The following ITGBL1 variants were observed in gnomAD, a reference collection of about 807,000 sequenced individuals.
ITGBL1 encodes the protein integrin beta-like protein 1.
In ITGBL1, 51 loss-of-function variants were observed where a neutral mutation model predicts 68.5. The observed-to-expected ratio is 0.74, with a 90% confidence interval of 0.59 to 0.94. The LOEUF is 0.94. Ranked by LOEUF, ITGBL1 falls within the 40% of genes least tolerant of loss-of-function variation. The probability of loss-of-function intolerance (pLI) is 0.00; values close to 1 mark genes in which losing one functional copy is unlikely to be tolerated. For missense variants in ITGBL1, 649 were observed against 647.4 expected, an observed-to-expected ratio of 1.00 and a Z score of -0.03; for synonymous variants, 209 against 227.3, an observed-to-expected ratio of 0.92 and a Z score of 0.72.
intron 3 of ITGBL1, among the ~76,000 whole-genome samples, chr13:101,570,655 G>T (rs2050257384): frequency 6.6e-6 from 1 of 152,144 alleles, no homozygotes; most frequent in Non-Finnish European, 1.5e-5. Context: ...CAAGTGGGAG[G>T]CTTTTATAGG....
intron 7 of ITGBL1, among the ~76,000 whole-genome samples, chr13:101,607,923 T>A (rs986405171): frequency 2.1e-4 from 32 of 152,208 alleles, no homozygotes; most frequent in Non-Finnish European, 2.4e-4. Flanking sequence ...TGTCCTTGTG[T>A]CTAAGTCATC....
At chr13:101,541,865 G>A (rs1477413329) in intron 2 of ITGBL1, among the ~76,000 whole-genome samples, 1 of 152,152 alleles carries the variant, frequency 6.6e-6, no homozygotes, top group Non-Finnish European at 1.5e-5. Flanking sequence ...AGTATTCTCT[G>A]ATGGTAGTTT....
chr13:101,588,599 T>C (rs987930958), intron 6 of ITGBL1, among the ~76,000 whole-genome samples: 2 of 151,988 alleles, frequency 1.3e-5, no homozygotes, highest in African/African-American at 4.8e-5. Flanking sequence ...GATAAAGCAA[T>C]TTGAGATAAG....
intron 6 of ITGBL1, among the ~76,000 whole-genome samples, chr13:101,594,383 A>C (rs548494901): frequency 6.6e-6 from 1 of 152,344 alleles, no homozygotes; most frequent in East Asian, 1.9e-4. Flanking sequence ...GTCCACATGC[A>C]GAAGAAAGAA....
chr13:101,667,148 A>AT lies in ITGBL1; in HGVS notation c.1016-25430dup, dbSNP rs1389595608. Among the ~76,000 whole-genome samples, 4 of 152,270 alleles carry AT rather than the reference A, an allele frequency of 2.6e-5. No individual in the cohort carries two copies. The South Asian group carries it at 8.3e-4, about 32-fold the overall frequency. On this transcript the variant is annotated intron_variant, in intron 7 of 10. Coordinates refer to ENST00000376180, the MANE Select transcript of ITGBL1 (RefSeq NM_004791.3). ...AAATTTATGGTCCATTCTCATGAAC[A>AT]TTTTTTTAAACTGATGGGAAAATTA...
rs1288938418 is a variant in ITGBL1, at chr13:101,716,212, T to G, written c.*558T>G. On this transcript the variant is annotated 3_prime_UTR_variant, in exon 11 of 11. Coordinates refer to ENST00000376180, the MANE Select transcript of ITGBL1 (RefSeq NM_004791.3). ...GATCAGATTTTTCCAGAATTCCGTA[T>G]CAGTCACCATTTTAATATGGGGACA... The G allele has an allele frequency of 6.6e-6, 1 of 152,218 alleles. No homozygotes were observed. The highest frequency in any genetic ancestry group is 1.5e-5 in the Non-Finnish European group (1 of 68,072). 9.4% of individuals were successfully genotyped at this position (152,218 alleles called of 1,614,324 possible). A position where few individuals can be genotyped will look rare whatever the true frequency, so the allele number is the denominator to read the frequency against.
At chr13:101,637,884 C>T (rs143137787) in intron 7 of ITGBL1, among the ~76,000 whole-genome samples, 1 of 152,234 alleles carries the variant, frequency 6.6e-6, no homozygotes, top group Non-Finnish European at 1.5e-5. Flanking sequence ...TGCAGTAAGG[C>T]ATAGATCTAT....
rs2034672038 is a variant in ITGBL1 at position 101,715,404 on chromosome 13, C to A, written c.1394-159C>A. The A allele has an allele frequency of 7.9e-6, 5 of 632,418 alleles. No homozygotes were observed. The Admixed American group carries it at 1.1e-4, about 13-fold the overall frequency. The allele number at this position is 632,418 out of a possible 1,614,324, so 39.2% of individuals were successfully genotyped here. ...GTTTGAAAGATTAGATGTCTCGCAG[C>A]TGCTTAATAAGATGTAATAATAACA... On this transcript the variant is annotated intron_variant, in intron 10 of 10. Coordinates refer to ENST00000376180, the MANE Select transcript of ITGBL1 (RefSeq NM_004791.3).
At chr13:101,482,916 T>C (rs1165881390) in intron 2 of ITGBL1, among the ~76,000 whole-genome samples, 2 of 152,190 alleles carry the variant, frequency 1.3e-5, no homozygotes, top group Admixed American at 1.3e-4. Flanking sequence ...CTCAGTTTCA[T>C]ACTCACGGCA....
intron 2 of ITGBL1, among the ~76,000 whole-genome samples, chr13:101,517,621 C>T (rs2139125877): frequency 6.6e-6 from 1 of 152,266 alleles, no homozygotes; most frequent in South Asian, 2.1e-4. Context: ...ATCCTACATC[C>T]TGACATATGT....
chr13:101,507,383 A>C (rs1295222069), intron 2 of ITGBL1, among the ~76,000 whole-genome samples: 2 of 152,210 alleles, frequency 1.3e-5, no homozygotes, highest in East Asian at 3.8e-4. Flanking sequence ...TTTACAAATA[A>C]ATGCTTTTAT....
In ITGBL1 at chr13:101,639,642, A is replaced by T. The variant is rs1000312772; in HGVS notation, c.1015+41343A>T. 1.6e-4 allele frequency among the ~76,000 whole-genome samples: 25 copies of T among 152,164 alleles called. No individual in the cohort carries two copies. The South Asian group carries it at 5.2e-3, about 32-fold the overall frequency. On this transcript the variant is annotated intron_variant, in intron 7 of 10. Coordinates refer to ENST00000376180, the MANE Select transcript of ITGBL1 (RefSeq NM_004791.3). The stretch of plus-strand genomic sequence containing the variant: ...GTAGGACCTGTCTTCCTTACTTTTA[A>T]TTTATTTTAGCATGGCTTTATTATT...
intron 7 of ITGBL1, among the ~76,000 whole-genome samples, chr13:101,652,320 T>C (rs2032779248): frequency 6.6e-6 from 1 of 152,094 alleles, no homozygotes; most frequent in African/African-American, 2.4e-5. Context: ...TTTTTTTACA[T>C]TTTTTCAGCA....
chr13:101,697,586 A>G (rs2034032100), intron 8 of ITGBL1, among the ~76,000 whole-genome samples: 1 of 152,198 alleles, frequency 6.6e-6, no homozygotes, highest in Non-Finnish European at 1.5e-5. Flanking sequence ...CAGACAGACC[A>G]GGATTTTAAT....
Position 101,605,973 on chromosome 13 carries a change from CATATATGTGTAT to C in ITGBL1, c.1015+7692_1015+7703del, listed in dbSNP as rs1439014790. The stretch of plus-strand genomic sequence containing the variant: ...ATATACACATATACACATATATATG[CATATATGTGTAT>C]ATATATGTGTATATATACACATATA... On this transcript the variant is annotated intron_variant, in intron 7 of 10. Coordinates refer to ENST00000376180, the MANE Select transcript of ITGBL1 (RefSeq NM_004791.3). Among the ~76,000 whole-genome samples, 12 of 143,514 alleles carry C rather than the reference CATATATGTGTAT, an allele frequency of 8.4e-5. No individual in the cohort carries two copies. In the South Asian group the frequency reaches 1.7e-3, roughly 21 times the overall value. 94.2% of individuals were successfully genotyped at this position (143,514 alleles called of 152,430 possible).
rs533154009 is a variant in ITGBL1 at position 101,607,480 on chromosome 13, T to A, written c.1015+9181T>A. Among the ~76,000 whole-genome samples the A allele has an allele frequency of 5.9e-5, 9 of 152,128 alleles. No individual in the cohort carries two copies. The South Asian group carries it at 1.9e-3, about 32-fold the overall frequency. On this transcript the variant is annotated intron_variant, in intron 7 of 10. Transcript: ENST00000376180. ...ATATAGTTGTAGCAAAATAATTCAA[T>A]CAATCCTCTTTTTATTAGATATCTA...
At chr13:101,615,787 A>C (rs1370596839) in intron 7 of ITGBL1, among the ~76,000 whole-genome samples, 1 of 152,056 alleles carries the variant, frequency 6.6e-6, no homozygotes, top group African/African-American at 2.4e-5. Flanking sequence ...CATGTCTCTA[A>C]AAGTAATTAT....
intron 2 of ITGBL1, among the ~76,000 whole-genome samples, chr13:101,526,204 G>A (rs1468162813): frequency 7.6e-5 from 11 of 145,672 alleles, no homozygotes; most frequent in African/African-American, 1.5e-4. Flanking sequence ...TATGCAGAAC[G>A]TGCAAGTTTG....
At chr13:101,566,545 A>G (rs566292690) in intron 2 of ITGBL1, among the ~76,000 whole-genome samples, 17 of 152,180 alleles carry the variant, frequency 1.1e-4, no homozygotes, top group African/African-American at 4.1e-4. Flanking sequence ...ATTTACATGG[A>G]CTGGTCCACA....
Sources: gnomAD v4.1 joint callset for allele counts (sites outside exome capture counted in the v4.1 genomes callset) on GRCh38, gnomAD v4.1.1 for gene constraint, MANE v1.5 for transcripts, NCBI Gene and HGNC (gene_info 2026-07-23, HGNC 2026-07-21) for gene names.